The following RARB variants were observed in gnomAD, a reference collection of about 807,000 sequenced individuals.
The protein encoded by RARB is HBV-activated protein.
In RARB, 17 loss-of-function variants were observed where a neutral mutation model predicts 51.9. The observed-to-expected ratio is 0.33, with a 90% CI of 0.22 to 0.49. The LOEUF (loss-of-function observed/expected upper bound fraction) is 0.49, where lower values mean the gene tolerates loss of function less well. Ranked by LOEUF, RARB falls within the 20% of genes least tolerant of loss-of-function variation. The pLI is 0.99. For synonymous variants in RARB, 215 were observed against 195.4 expected (o/e 1.10, Z -0.84); for missense variants, 369 against 550.8 (o/e 0.67, Z 3.30).
chr3:25,205,792 G>A, intron 5 of RARB, among the ~76,000 whole-genome samples: 1 of 151,762 alleles, frequency 6.6e-6, no homozygotes, highest in East Asian at 1.9e-4. Context: ...GCCCTAGCTG[G>A]AGTGCAGTGG....
chr3:25,380,072 G>A (rs1308408964), intron 5 of RARB, among the ~76,000 whole-genome samples: 1 of 152,076 alleles, frequency 6.6e-6, no homozygotes, highest in Non-Finnish European at 1.5e-5. Context: ...CATTTTGCAA[G>A]CATACCATTT....
rs555781075 is a variant in RARB, at chr3:25,040,656, G to A, written c.-379-19469G>A. On this transcript the variant is annotated intron_variant, in intron 2 of 11. Coordinates refer to the RARB transcript ENST00000383772. ...AGGCAGAAGCTACTCAGGAGACTGA[G>A]GCAGAAGAATTGCTTGAACCTGGGA... 9.9e-5 allele frequency among the ~76,000 whole-genome samples: 15 copies of A among 152,160 alleles called. 1 individual carries two copies. The highest frequency in any genetic ancestry group is 8.5e-4 in the Admixed American group (13 of 15,296).
At chr3:24,937,893 A>G (rs115234072) in intron 2 of RARB, among the ~76,000 whole-genome samples, 3,009 of 152,236 alleles carry the variant, frequency 0.02, 58 homozygotes, top group Middle Eastern at 0.065. Flanking sequence ...AAAACAAAAA[A>G]TCTAGAAACA....
chr3:25,211,724 C>G (rs1252673232), intron 5 of RARB, among the ~76,000 whole-genome samples: 1 of 152,154 alleles, frequency 6.6e-6, no homozygotes, highest in Non-Finnish European at 1.5e-5. Flanking sequence ...TTTTGTAACT[C>G]TGCTGTTATA....
chr3:25,510,744 T>G (rs1448316875), intron 3 of RARB, among the ~76,000 whole-genome samples: 5 of 152,262 alleles, frequency 3.3e-5, no homozygotes, highest in Non-Finnish European at 1.5e-5. Flanking sequence ...AATATTGAAC[T>G]TGGCATAAGA....
chr3:25,376,057 G>A (rs895170816), intron 5 of RARB, among the ~76,000 whole-genome samples: 1 of 152,230 alleles, frequency 6.6e-6, no homozygotes. Flanking sequence ...GGCCCATAGG[G>A]AGTACTCTGT....
At chr3:24,879,887 G>T (rs1300461882) in intron 2 of RARB, among the ~76,000 whole-genome samples, 2 of 152,058 alleles carry the variant, frequency 1.3e-5, no homozygotes, top group African/African-American at 2.4e-5. Flanking sequence ...TGTACATTTT[G>T]AGAATATTTA....
intron 5 of RARB, among the ~76,000 whole-genome samples, chr3:25,342,765 T>C (rs1044526660): frequency 5.9e-5 from 9 of 152,156 alleles, no homozygotes; most frequent in South Asian, 2.1e-4. Context: ...TTCATGGTCT[T>C]TTTAATGATG....
At chr3:25,337,205 T>A (rs1253267876) in intron 5 of RARB, among the ~76,000 whole-genome samples, 1 of 152,108 alleles carries the variant, frequency 6.6e-6, no homozygotes, top group African/African-American at 2.4e-5. Flanking sequence ...TCCTTTTTCT[T>A]ACCAACCCCC....
intron 3 of RARB, among the ~76,000 whole-genome samples, chr3:25,082,055 C>T (rs771447616): frequency 5.9e-5 from 9 of 152,118 alleles, no homozygotes; most frequent in Non-Finnish European, 1.0e-4. Flanking sequence ...GTCTACCTTG[C>T]TGACATTTAT....
chr3:24,960,803 C>CT (rs1171369446), intron 2 of RARB, among the ~76,000 whole-genome samples: 10 of 151,016 alleles, frequency 6.6e-5, no homozygotes, highest in Non-Finnish European at 2.9e-5. Context: ...TGACACTTTC[C>CT]TTTTTTAAAA....
chr3:25,337,822 C>T (rs1231926624), intron 5 of RARB, among the ~76,000 whole-genome samples: 4 of 151,904 alleles, frequency 2.6e-5, no homozygotes, highest in African/African-American at 9.7e-5. Flanking sequence ...TCTTGTTTGC[C>T]CTCTTCCCTG....
intron 1 of RARB, among the ~76,000 whole-genome samples, chr3:24,834,931 T>C (rs1434990842): frequency 1.3e-5 from 2 of 152,126 alleles, no homozygotes; most frequent in Non-Finnish European, 1.5e-5. Context: ...TTCCTTTTTT[T>C]CCCCTATTTA....
chr3:25,296,644 G>T (rs1703921458), intron 5 of RARB, among the ~76,000 whole-genome samples: 1 of 152,078 alleles, frequency 6.6e-6, no homozygotes, highest in South Asian at 2.1e-4. Flanking sequence ...ATTACTGGAG[G>T]GGGAAAAAAA....
intron 5 of RARB, among the ~76,000 whole-genome samples, chr3:25,174,876 G>T (rs779593237): frequency 4.6e-5 from 7 of 152,186 alleles, no homozygotes; most frequent in Non-Finnish European, 1.0e-4. Context: ...AAAGAAATTG[G>T]CCATATGATA....
At chr3:25,586,627 C>T (rs1358429736) in intron 5 of RARB, among the ~76,000 whole-genome samples, 1 of 152,190 alleles carries the variant, frequency 6.6e-6, no homozygotes, top group Non-Finnish European at 1.5e-5. Context: ...CCATGCCAGT[C>T]ACAGCAGCAC....
intron 5 of RARB, among the ~76,000 whole-genome samples, chr3:25,317,839 T>C (rs183158783): frequency 2.0e-5 from 3 of 152,338 alleles, no homozygotes; most frequent in East Asian, 1.9e-4. Context: ...AAAAACATTA[T>C]TGGGGTACCT....
At chr3:25,190,934 T>C (rs1701088356) in intron 5 of RARB, among the ~76,000 whole-genome samples, 1 of 152,156 alleles carries the variant, frequency 6.6e-6, no homozygotes, top group Non-Finnish European at 1.5e-5. Context: ...AGTCAATTAA[T>C]TCCCTAAAGG....
At chr3:24,946,597 G>C (rs1225102081) in intron 2 of RARB, among the ~76,000 whole-genome samples, 1 of 152,096 alleles carries the variant, frequency 6.6e-6, no homozygotes, top group African/African-American at 2.4e-5. Context: ...GGTCGGGTGT[G>C]GTGGCTCACA....
Sources: allele counts gnomAD v4.1 joint callset (sites outside exome capture counted in the v4.1 genomes callset), GRCh38; gene constraint gnomAD v4.1.1; transcripts MANE v1.5; gene names NCBI Gene and HGNC (gene_info 2026-07-23, HGNC 2026-07-21).